TP63: variants seen among roughly 807,000 people sequenced by gnomAD.
TP63 encodes the protein tumor protein p63.
TP63 carries 17 observed loss-of-function variants against 82.8 expected under a neutral mutation model. The ratio of observed to expected loss-of-function variants is 0.21; its 90% CI spans 0.14 to 0.31. The LOEUF is 0.31. Among genes scored for constraint, TP63 ranks in the 10% least tolerant of loss-of-function variants. TP63 has a pLI of 1.00. For missense variants in TP63, 648 were observed against 895.3 expected, an observed-to-expected ratio of 0.72 and a Z score of 3.52; for synonymous variants, 330 against 321.7, an observed-to-expected ratio of 1.03 and a Z score of -0.28.
chr3:189,834,048 T>G (rs1002760470), intron 4 of TP63, among the ~76,000 whole-genome samples: 3 of 152,202 alleles, frequency 2.0e-5, no homozygotes, highest in Admixed American at 6.5e-5. Flanking sequence ...GTGTTGCAGA[T>G]AAACCGATTT....
chr3:189,626,049 G>T, the TP63 span, among the ~76,000 whole-genome samples: 1 of 152,166 alleles, frequency 6.6e-6, no homozygotes, highest in Non-Finnish European at 1.5e-5. Flanking sequence ...AGAGATGGAG[G>T]TCAAATCAGA....
chr3:189,739,622 G>A (rs984500990), intron 3 of TP63, among the ~76,000 whole-genome samples: 19 of 152,082 alleles, frequency 1.2e-4, no homozygotes, highest in Non-Finnish European at 8.8e-5. Context: ...TGAGTCACTC[G>A]TGATCTTAGG....
intron 4 of TP63, among the ~76,000 whole-genome samples, chr3:189,830,816 G>T (rs1299085840): frequency 6.6e-6 from 1 of 152,172 alleles, no homozygotes; most frequent in Non-Finnish European, 1.5e-5. Context: ...GAGGAAGGGA[G>T]CATATAGACA....
rs1727174330 is a variant in TP63, at chr3:189,808,478, C to G, written c.531C>G (p.Phe177Leu). ...CCGACTACCCAGGCCCGCACAGTTTCGACGTGTCCTTCCAGCAGTCGAGCA... is the reference window on the plus strand; with the variant it reads ...CCGACTACCCAGGCCCGCACAGTTTGGACGTGTCCTTCCAGCAGTCGAGCA... The part of the protein sequence containing the change: ...SNTDYPGPHS[F>L]DVSFQQSSTA... Residue 177 changes from phenylalanine to leucine, a missense_variant, in exon 4 of 14, where the codon TTC becomes TTG. Transcript: ENST00000264731. 6.2e-7 allele frequency: 1 copy of G among 1,614,190 alleles called. No individual in the cohort carries two copies. The highest frequency in any genetic ancestry group is 1.3e-5 in the African/African-American group (1 of 75,040).
In TP63 at chr3:189,889,326, C is replaced by G; in HGVS notation, c.1508-14C>G. 6.2e-7 allele frequency: 1 copy of G among 1,614,084 alleles called. No individual in the cohort carries two copies. Among genetic ancestry groups the G allele is most frequent in the African/African-American group, 1.3e-5 (1 of 75,016 alleles). On this transcript the variant is annotated splice_polypyrimidine_tract_variant and intron_variant, in intron 11 of 13. Coordinates refer to ENST00000264731, the MANE Select transcript of TP63 (RefSeq NM_003722.5). ...ATGGCAGTAACCCTTTTTGTTCCTC[C>G]TGCTTCTGTTCAGTTCCCATGATGG...
chr3:189,881,383 C>T, intron 10 of TP63: 2 of 985,356 alleles, frequency 2.0e-6, no homozygotes, highest in Non-Finnish European at 2.4e-6. Flanking sequence ...CTTCCCACAC[C>T]CAGTCACCAG....
intron 1 of TP63, among the ~76,000 whole-genome samples, chr3:189,726,889 C>G (rs1719816524): frequency 6.6e-6 from 1 of 152,206 alleles, no homozygotes; most frequent in Non-Finnish European, 1.5e-5. Flanking sequence ...CAAACTTTTT[C>G]TACACAGGGC....
At chr3:189,674,436 A>G (rs1304273730) in intron 1 of TP63, among the ~76,000 whole-genome samples, 3 of 152,108 alleles carry the variant, frequency 2.0e-5, no homozygotes, top group Non-Finnish European at 2.9e-5. Context: ...CCAGGAAGCA[A>G]GAAAGGGGAG....
At chr3:189,654,661 C>A (rs1174292413) in intron 1 of TP63, among the ~76,000 whole-genome samples, 1 of 151,958 alleles carries the variant, frequency 6.6e-6, no homozygotes, top group Admixed American at 6.6e-5. Context: ...TATTTAAAAA[C>A]CCTAAAAAAT....
chr3:189,767,623 A>G (rs937501986), intron 3 of TP63, among the ~76,000 whole-genome samples: 1 of 152,228 alleles, frequency 6.6e-6, no homozygotes, highest in African/African-American at 2.4e-5. Context: ...TGAAACAGCC[A>G]TACTCATCAG....
chr3:189,774,182 A>ACC (rs1253983554), intron 3 of TP63, among the ~76,000 whole-genome samples: 1 of 152,036 alleles, frequency 6.6e-6, no homozygotes, highest in Admixed American at 6.5e-5. Context: ...TCGGCCTCCC[A>ACC]AAGTGCTGGG....
At chr3:189,722,437 A>G (rs943214172) in intron 1 of TP63, among the ~76,000 whole-genome samples, 1 of 152,214 alleles carries the variant, frequency 6.6e-6, no homozygotes, top group Admixed American at 6.5e-5. Context: ...GCACGATAGA[A>G]TCTTTGGACC....
At chr3:189,676,183 C>T (rs1715380714) in intron 1 of TP63, among the ~76,000 whole-genome samples, 1 of 151,998 alleles carries the variant, frequency 6.6e-6, no homozygotes, top group South Asian at 2.1e-4. Flanking sequence ...CACTTAAGTT[C>T]TACTCTCTTA....
intron 1 of TP63, among the ~76,000 whole-genome samples, chr3:189,714,018 A>G (rs1205142261): frequency 1.3e-5 from 2 of 152,188 alleles, no homozygotes; most frequent in African/African-American, 2.4e-5. Flanking sequence ...TCCTTAACAC[A>G]TCTGAAACCT....
intron 1 of TP63, among the ~76,000 whole-genome samples, chr3:189,659,552 AT>A (rs914031341): frequency 4.0e-5 from 6 of 151,796 alleles, no homozygotes; most frequent in Non-Finnish European, 7.4e-5. Context: ...TTAATAAAAT[AT>A]TTTTTTCTTT....
chr3:189,671,872 T>C (rs1714920458), intron 1 of TP63, among the ~76,000 whole-genome samples: 1 of 151,978 alleles, frequency 6.6e-6, no homozygotes, highest in Non-Finnish European at 1.5e-5. Flanking sequence ...AGAACTGTGG[T>C]TATCAGAGGC....
chr3:189,694,024 G>A, intron 1 of TP63, among the ~76,000 whole-genome samples: 1 of 152,202 alleles, frequency 6.6e-6, no homozygotes, highest in South Asian at 2.1e-4. Context: ...TGAGGTTTAA[G>A]AGGTATAGCT....
chr3:189,876,696 G>A (rs1402578995), intron 10 of TP63, among the ~76,000 whole-genome samples: 3 of 152,146 alleles, frequency 2.0e-5, no homozygotes, highest in African/African-American at 2.4e-5. Context: ...TCCAGTGATT[G>A]ATATGCATCT....
Position 189,875,601 on chromosome 3 carries a change from T to TAC in TP63, c.1349+2607_1349+2608insCA, listed in dbSNP as rs1300745452. Among the ~76,000 whole-genome samples, 147 of 46,562 alleles carry TAC rather than the reference T, an allele frequency of 3.2e-3. 9 individuals carry two copies. Among genetic ancestry groups the TAC allele is most frequent in the East Asian group, 0.018 (38 of 2,122 alleles). 30.5% of individuals were successfully genotyped at this position (46,562 alleles called of 152,430 possible). A position where few individuals can be genotyped will look rare whatever the true frequency, so the allele number is the denominator to read the frequency against. ...AGAAAAAAAAATACATACATATATA[T>TAC]ATATATATATATATATATATATATA... is the stretch of plus-strand genomic sequence containing the variant. On this transcript the variant is annotated intron_variant, in intron 10 of 13. Coordinates refer to ENST00000264731, the MANE Select transcript of TP63 (RefSeq NM_003722.5).
Sources: allele counts gnomAD v4.1 joint callset (sites outside exome capture counted in the v4.1 genomes callset), GRCh38; gene constraint gnomAD v4.1.1; transcripts MANE v1.5; gene names NCBI Gene and HGNC (gene_info 2026-07-23, HGNC 2026-07-21).